Variants in PAFAH1B1 observed in about 807,000 individuals in gnomAD.
The protein encoded by PAFAH1B1 is platelet activating factor acetylhydrolase 1b regulatory subunit 1.
A neutral mutation model predicts 57.5 loss-of-function variants in PAFAH1B1; 2 were observed. That is an observed-to-expected ratio of 0.03 (90% CI 0.01 to 0.11). The LOEUF (loss-of-function observed/expected upper bound fraction) is 0.11. PAFAH1B1 is among the 10% of genes least tolerant of loss of function. The pLI is 1.00. For synonymous variants in PAFAH1B1, 152 were observed against 169.6 expected (o/e 0.90, Z 0.81); for missense variants, 257 against 512.0 (o/e 0.50, Z 4.81).
At chr17:2,641,231 T>G (rs1248934109) in intron 2 of PAFAH1B1, 1 of 152,246 alleles carries the variant, frequency 6.6e-6, no homozygotes, top group Non-Finnish European at 1.5e-5. Context: ...CGATTTTGGC[T>G]CACTCCAACC....
Position 2,674,241 on chromosome 17 carries a change from G to C in PAFAH1B1, c.853G>C (p.Ala285Pro), listed in dbSNP as rs1275216248. 1 of 1,613,998 alleles carries C rather than the reference G, an allele frequency of 6.2e-7. No individual in the cohort carries two copies. Among genetic ancestry groups the C allele is most frequent in the Non-Finnish European group, 8.5e-7 (1 of 1,179,878 alleles). The change falls in exon 8 of 11, where the codon GCT becomes CCT. Residue 285 changes from alanine to proline, a missense_variant. Physicochemically the swap from Ala to Pro is conservative, Grantham distance 27 (BLOSUM62 -1). Coordinates refer to ENST00000397195, the MANE Select transcript of PAFAH1B1 (RefSeq NM_000430.4). ...HEHVVECISW[A>P]PESSYSSISE... ...GCATGTGGTAGAATGCATTTCCTGG[G>C]CTCCAGAAAGCTCATATTCCTCCAT...
rs149980935 is a variant in PAFAH1B1, at chr17:2,629,473, C to A, written c.-190-8626C>A. ...TCTGAGAGAGTGCTTGATATAATTT[C>A]AATTTTCTTAAATTTATTGATGCTC... On this transcript the variant is annotated intron_variant, in intron 1 of 10. Transcript: ENST00000397195. Among the ~76,000 whole-genome samples, 943 of 152,210 alleles carry A rather than the reference C, an allele frequency of 6.2e-3. 3 individuals carry two copies. The highest frequency in any genetic ancestry group is 0.024 in the Middle Eastern group (7 of 294).
chr17:2,660,759 A>G (rs2069003541), intron 2 of PAFAH1B1, among the ~76,000 whole-genome samples: 2 of 152,220 alleles, frequency 1.3e-5, no homozygotes, highest in African/African-American at 4.8e-5. Context: ...TCCTTTGGGT[A>G]TATACCCAGT....
chr17:2,613,291 C>G lies in PAFAH1B1; in HGVS notation c.-191+19285C>G, dbSNP rs577447220. On this transcript the variant is annotated intron_variant, in intron 1 of 10. Transcript: ENST00000397195. ...ACCCCTGGCCACTTCAGCACAGAGG[C>G]TGGGAAGGGTCTGGGGGCCCTGGAA... is the stretch of plus-strand genomic sequence containing the variant. 41 of 212,642 alleles carry G rather than the reference C, an allele frequency of 1.9e-4. 2 individuals are homozygous for G. In the South Asian group the frequency reaches 3.7e-3, roughly 19 times the overall value. The allele number at this position is 212,642 out of a possible 1,614,324, so 13.2% of individuals were successfully genotyped here.
At position 2,666,033 on chromosome 17, in the gene PAFAH1B1, A is replaced by G. The variant is rs775353063; in HGVS notation, c.135A>G (p.Lys45=). 7.2e-6 allele frequency: 11 copies of G among 1,517,696 alleles called. No individual in the cohort carries two copies. Among genetic ancestry groups the G allele is most frequent in the Non-Finnish European group, 9.0e-6 (10 of 1,110,318 alleles). The allele number at this position is 1,517,696 out of a possible 1,614,324, so 94.0% of individuals were successfully genotyped here. The part of the protein sequence containing the change: ...AELDVNEELD[K]KYAGLLEKKW... ...TTCTCTAGAATGAAGAATTAGATAAAAAGTATGCTGGTCTTTTGGAAAAAA... is the reference window on the plus strand; with the variant it reads ...TTCTCTAGAATGAAGAATTAGATAAGAAGTATGCTGGTCTTTTGGAAAAAA... Residue 45 remains lysine, a synonymous_variant, in exon 4 of 11, where the codon AAA becomes AAG. Transcript: ENST00000397195.
In PAFAH1B1 at chr17:2,676,501, G is replaced by T; in HGVS notation, c.901-4G>T. 6.3e-7 allele frequency: 1 copy of T among 1,586,916 alleles called. No homozygotes were observed. The highest frequency in any genetic ancestry group is 8.6e-7 in the Non-Finnish European group (1 of 1,156,184). ...AAACTTAATTTTTATTATGTTTTCT[G>T]TAGACTAAAAAAAGTGGTAAACCTG... On this transcript the variant is annotated splice_polypyrimidine_tract_variant and splice_region_variant and intron_variant, in intron 8 of 10. Transcript: ENST00000397195.
intron 3 of PAFAH1B1, among the ~76,000 whole-genome samples, chr17:2,665,683 C>A (rs182190218): frequency 6.0e-4 from 92 of 152,128 alleles, no homozygotes; most frequent in African/African-American, 2.0e-3. Context: ...CTCACTGCAA[C>A]CTCTGCCTCC....
At chr17:2,647,559 C>T (rs546936094) in intron 2 of PAFAH1B1, among the ~76,000 whole-genome samples, 5 of 152,176 alleles carry the variant, frequency 3.3e-5, no homozygotes, top group Admixed American at 2.6e-4. Context: ...AAGAAGATTA[C>T]AGTCTAATGA....
In PAFAH1B1 at chr17:2,655,039, A is replaced by G. The variant is rs1022965392; in HGVS notation, c.33-10333A>G. ...AGCTCATAACTCTGGGGCTCAAACAATCCTCCCGCATTGGCCTTTCAAAGT... is the reference window on the plus strand; with the variant it reads ...AGCTCATAACTCTGGGGCTCAAACAGTCCTCCCGCATTGGCCTTTCAAAGT... On this transcript the variant is annotated intron_variant, in intron 2 of 10. Coordinates refer to ENST00000397195, the MANE Select transcript of PAFAH1B1 (RefSeq NM_000430.4). 4.0e-5 allele frequency among the ~76,000 whole-genome samples: 6 copies of G among 149,512 alleles called. No individual in the cohort carries two copies. The East Asian group carries it at 5.9e-4, about 15-fold the overall frequency.
intron 2 of PAFAH1B1, among the ~76,000 whole-genome samples, chr17:2,664,665 G>GCGCCCTCTCTCT: frequency 1.2e-5 from 1 of 86,028 alleles, no homozygotes; most frequent in Non-Finnish European, 2.6e-5. Context: ...TCTATCTATC[G>GCGCCCTCTCTCT]CTCTCTCTCT....
At chr17:2,618,044 C>A (rs1037062705) in intron 1 of PAFAH1B1, among the ~76,000 whole-genome samples, 2 of 152,020 alleles carry the variant, frequency 1.3e-5, no homozygotes, top group African/African-American at 4.8e-5. Flanking sequence ...GTCATGAGCT[C>A]GAGAGCAGCC....
Position 2,638,340 on chromosome 17 carries a change from G to C in PAFAH1B1, c.32+20G>C. On this transcript the variant is annotated intron_variant, in intron 2 of 10. Transcript: ENST00000397195. The stretch of plus-strand genomic sequence containing the variant: ...TGAACTGTAAGTTTCTTTGTTTTGT[G>C]CTTTAAAAAAAATCTCCCTCATGAG... 1 of 1,609,190 alleles carries C rather than the reference G, an allele frequency of 6.2e-7. No homozygotes were observed. The highest frequency in any genetic ancestry group is 8.5e-7 in the Non-Finnish European group (1 of 1,176,154).
chr17:2,658,599 A>T (rs186035211), intron 2 of PAFAH1B1, among the ~76,000 whole-genome samples: 1 of 152,144 alleles, frequency 6.6e-6, no homozygotes, highest in Admixed American at 6.6e-5. Flanking sequence ...AATGGAATCG[A>T]GCAGGCTAGT....
intron 5 of PAFAH1B1, among the ~76,000 whole-genome samples, chr17:2,669,889 AC>A (rs1957215773): frequency 6.6e-6 from 1 of 151,908 alleles, no homozygotes; most frequent in African/African-American, 2.4e-5. Context: ...ATGTCTTGTG[AC>A]TTTATATACC....
intron 4 of PAFAH1B1, 61 bp downstream of exon 4, chr17:2,666,151 A>G (rs1460434433): frequency 2.4e-6 from 3 of 1,270,790 alleles, no homozygotes; most frequent in Non-Finnish European, 3.2e-6. Context: ...TTCTGAAAAT[A>G]ACATTCTTCT....
chr17:2,661,663 G>A (rs896647997), intron 2 of PAFAH1B1, among the ~76,000 whole-genome samples: 2 of 152,056 alleles, frequency 1.3e-5, no homozygotes, highest in African/African-American at 4.8e-5. Flanking sequence ...CTCTTTAAAT[G>A]GGTCTAGTAA....
chr17:2,664,118 A>C (rs2069061658), intron 2 of PAFAH1B1, among the ~76,000 whole-genome samples: 1 of 152,212 alleles, frequency 6.6e-6, no homozygotes, highest in Non-Finnish European at 1.5e-5. Flanking sequence ...TGGCATGCTC[A>C]TAATTACCTG....
At chr17:2,657,122 G>C (rs2068946520) in intron 2 of PAFAH1B1, among the ~76,000 whole-genome samples, 1 of 152,180 alleles carries the variant, frequency 6.6e-6, no homozygotes. Context: ...CTAGTGTTCT[G>C]CCATTAACTA....
intron 1 of PAFAH1B1, among the ~76,000 whole-genome samples, chr17:2,626,339 ATTC>A (rs1345889076): frequency 6.6e-6 from 1 of 152,138 alleles, no homozygotes; most frequent in African/African-American, 2.4e-5. Context: ...GTAAAATTGT[ATTC>A]TTAAAATAAG....
Sources: allele counts gnomAD v4.1 joint callset (sites outside exome capture counted in the v4.1 genomes callset), GRCh38; gene constraint gnomAD v4.1.1; transcripts MANE v1.5; gene names NCBI Gene and HGNC (gene_info 2026-07-23, HGNC 2026-07-21).